The following GPC6 variants were observed in gnomAD, a reference collection of about 807,000 sequenced individuals.
GPC6 encodes glypican-6.
Under a neutral mutation model 55.2 loss-of-function variants are expected in GPC6, and 14 were observed. That is an observed-to-expected ratio of 0.25 (90% confidence interval 0.17 to 0.40). GPC6 has a LOEUF of 0.40. Ranked by LOEUF, GPC6 falls within the 10% of genes least tolerant of loss-of-function variation. The pLI is 1.00. For synonymous variants in GPC6, 278 were observed against 259.6 expected, an observed-to-expected ratio of 1.07 and a Z score of -0.68; for missense variants, 641 against 708.5, an observed-to-expected ratio of 0.90 and a Z score of 1.08.
chr13:93,419,498 A>T (rs1447732484), intron 1 of GPC6, among the ~76,000 whole-genome samples: 1 of 152,146 alleles, frequency 6.6e-6, no homozygotes, highest in Non-Finnish European at 1.5e-5. Context: ...GTATTTCCTT[A>T]TCCACTTTGC....
intron 1 of GPC6, among the ~76,000 whole-genome samples, chr13:93,533,000 T>C (rs1245654087): frequency 6.6e-6 from 1 of 152,168 alleles, no homozygotes; most frequent in African/African-American, 2.4e-5. Flanking sequence ...AAGTAGAATG[T>C]TAATTGAATT....
intron 1 of GPC6, among the ~76,000 whole-genome samples, chr13:93,347,066 A>G (rs909502272): frequency 6.6e-6 from 1 of 152,180 alleles, no homozygotes; most frequent in Non-Finnish European, 1.5e-5. Flanking sequence ...AAGATATTAA[A>G]TCTTAGTCAT....
At chr13:94,383,885 G>T (rs1189637596) in intron 7 of GPC6, among the ~76,000 whole-genome samples, 2 of 152,146 alleles carry the variant, frequency 1.3e-5, no homozygotes, top group Non-Finnish European at 2.9e-5. Context: ...TCACAAGGTG[G>T]CAGGAGAGAG....
chr13:94,345,502 C>T (rs1179269406), intron 6 of GPC6, among the ~76,000 whole-genome samples: 1 of 152,160 alleles, frequency 6.6e-6, no homozygotes, highest in Non-Finnish European at 1.5e-5. Context: ...TTTAGGGCTC[C>T]TCAGATCTAA....
At chr13:93,473,611 A>C (rs576670977) in intron 1 of GPC6, among the ~76,000 whole-genome samples, 1 of 152,328 alleles carries the variant, frequency 6.6e-6, no homozygotes, top group Non-Finnish European at 1.5e-5. Context: ...AGGCAGCACC[A>C]GTTGTGCCTC....
intron 2 of GPC6, among the ~76,000 whole-genome samples, chr13:93,801,142 A>C (rs1690853762): frequency 6.6e-6 from 1 of 152,214 alleles, no homozygotes; most frequent in Admixed American, 6.6e-5. Context: ...CTGAATAGAC[A>C]CTTGCAATGT....
chr13:94,204,180 C>A (rs1313164121), intron 4 of GPC6, among the ~76,000 whole-genome samples: 1 of 151,814 alleles, frequency 6.6e-6, no homozygotes, highest in Non-Finnish European at 1.5e-5. Context: ...ACTTCAAATC[C>A]TTCTATATAC....
intron 3 of GPC6, among the ~76,000 whole-genome samples, chr13:93,882,393 C>A (rs978571341): frequency 1.3e-4 from 20 of 152,000 alleles, no homozygotes; most frequent in Non-Finnish European, 2.9e-4. Flanking sequence ...ACGACCCACC[C>A]CTCAGGCTCC....
chr13:94,326,326 A>T (rs2139135988), intron 6 of GPC6, among the ~76,000 whole-genome samples: 1 of 152,274 alleles, frequency 6.6e-6, no homozygotes, highest in South Asian at 2.1e-4. Flanking sequence ...TAGGAGAAAC[A>T]GAGGCACAAA....
At chr13:93,422,061 T>C (rs757723428) in intron 1 of GPC6, among the ~76,000 whole-genome samples, 1 of 152,182 alleles carries the variant, frequency 6.6e-6, no homozygotes, top group Non-Finnish European at 1.5e-5. Flanking sequence ...TGCTGAAATA[T>C]TCACCTTGAT....
At chr13:93,973,964 C>G (rs1277707672) in intron 3 of GPC6, among the ~76,000 whole-genome samples, 3 of 152,194 alleles carry the variant, frequency 2.0e-5, no homozygotes, top group Non-Finnish European at 4.4e-5. Context: ...TCAACTCTCC[C>G]TGAAACTTTT....
Position 93,660,375 on chromosome 13 carries a change from T to A in GPC6, c.319+114954T>A, listed in dbSNP as rs141618378. On this transcript the variant is annotated intron_variant, in intron 2 of 8. Transcript: ENST00000377047. ...ATTTTAGCTTCTCGCAGAAGGTCAG[T>A]AAATTATGGATTAACATGTTTATGG... is the stretch of plus-strand genomic sequence containing the variant. 1.3e-3 allele frequency among the ~76,000 whole-genome samples: 195 copies of A among 152,278 alleles called. 1 individual carries two copies. Among genetic ancestry groups the A allele is most frequent in the African/African-American group, 4.5e-3 (187 of 41,586 alleles).
chr13:93,223,137 G>A (rs1285925021), upstream of GPC6, among the ~76,000 whole-genome samples: 1 of 149,988 alleles, frequency 6.7e-6, no homozygotes, highest in Non-Finnish European at 1.5e-5. Context: ...TTGGTGGTGA[G>A]CACAATGCCC....
At chr13:93,407,562 G>A (rs1162955634) in intron 1 of GPC6, among the ~76,000 whole-genome samples, 1 of 152,142 alleles carries the variant, frequency 6.6e-6, no homozygotes, top group Non-Finnish European at 1.5e-5. Context: ...CTTACACAAG[G>A]AGAAAAATCT....
intron 4 of GPC6, among the ~76,000 whole-genome samples, chr13:94,102,230 G>A (rs1885890396): frequency 6.6e-6 from 1 of 152,042 alleles, no homozygotes; most frequent in African/African-American, 2.4e-5. Context: ...TTAATAAATA[G>A]TCTAGGTAAG....
At chr13:94,350,410 ACTGTG>A (rs1296230487) in intron 6 of GPC6, among the ~76,000 whole-genome samples, 2 of 152,156 alleles carry the variant, frequency 1.3e-5, no homozygotes, top group Non-Finnish European at 2.9e-5. Flanking sequence ...GGTCAAAACT[ACTGTG>A]CTGGAGAATA....
chr13:93,722,464 G>A (rs1418556950), intron 2 of GPC6, among the ~76,000 whole-genome samples: 4 of 151,632 alleles, frequency 2.6e-5, no homozygotes, highest in Admixed American at 2.6e-4. Flanking sequence ...CCTTAGATTA[G>A]TAAGACCTAA....
intron 3 of GPC6, among the ~76,000 whole-genome samples, chr13:93,892,638 T>A (rs1021144798): frequency 1.3e-5 from 2 of 152,214 alleles, no homozygotes; most frequent in Non-Finnish European, 2.9e-5. Flanking sequence ...TATATATACA[T>A]AACCATTATG....
At chr13:93,751,192 A>T (rs1047502785) in intron 2 of GPC6, among the ~76,000 whole-genome samples, 4 of 151,936 alleles carry the variant, frequency 2.6e-5, no homozygotes, top group Admixed American at 2.6e-4. Flanking sequence ...CAAACAAAAA[A>T]TGCCTAGAAG....
Sources: gnomAD v4.1 joint callset for allele counts (sites outside exome capture counted in the v4.1 genomes callset) on GRCh38, gnomAD v4.1.1 for gene constraint, MANE v1.5 for transcripts, NCBI Gene and HGNC (gene_info 2026-07-23, HGNC 2026-07-21) for gene names.